Variants in PSMD14 observed in about 807,000 individuals in gnomAD.
PSMD14 encodes the protein ubiquitin C-terminal hydrolase PSMD14.
A neutral mutation model predicts 41.2 loss-of-function variants in PSMD14; 7 were observed. That is an observed-to-expected ratio of 0.17 (90% CI 0.10 to 0.32). PSMD14 has a LOEUF of 0.32. Among genes scored for constraint, PSMD14 ranks in the 10% least tolerant of loss-of-function variants. The pLI is 1.00. For missense variants in PSMD14, 139 were observed against 375.6 expected (o/e 0.37, Z 5.21); for synonymous variants, 114 against 122.3 (o/e 0.93, Z 0.45).
At chr2:161,360,749 G>T (rs551823048) in intron 3 of PSMD14, among the ~76,000 whole-genome samples, 117 of 152,156 alleles carry the variant, frequency 7.7e-4, no homozygotes, top group Non-Finnish European at 1.1e-3. Context: ...TGTTAGCCAG[G>T]ATGGTCTCCA....
intron 10 of PSMD14, among the ~76,000 whole-genome samples, chr2:161,403,912 T>C: frequency 6.8e-6 from 1 of 148,042 alleles, no homozygotes; most frequent in Non-Finnish European, 1.5e-5. Context: ...GAATTTAAAT[T>C]TTTTTTTTTT....
intron 3 of PSMD14, among the ~76,000 whole-genome samples, chr2:161,324,985 AG>A (rs1682671987): frequency 1.3e-5 from 2 of 152,184 alleles, no homozygotes; most frequent in Non-Finnish European, 2.9e-5. Flanking sequence ...AGCCTCTTTT[AG>A]CCAGGTCCAT....
intron 3 of PSMD14, among the ~76,000 whole-genome samples, chr2:161,361,020 T>G (rs1262010786): frequency 1.3e-5 from 2 of 152,234 alleles, no homozygotes; most frequent in African/African-American, 4.8e-5. Flanking sequence ...TAGATTATGT[T>G]GGCAATTTTA....
chr2:161,396,401 A>T (rs1683795545), intron 10 of PSMD14, among the ~76,000 whole-genome samples: 1 of 152,200 alleles, frequency 6.6e-6, no homozygotes, highest in Non-Finnish European at 1.5e-5. Context: ...CAGACAGATA[A>T]AGAAAATGTG....
At chr2:161,322,647 C>A (rs1682625710) in intron 3 of PSMD14, among the ~76,000 whole-genome samples, 1 of 151,538 alleles carries the variant, frequency 6.6e-6, no homozygotes, top group Non-Finnish European at 1.5e-5. Context: ...ACTGCAGCCT[C>A]CCAAAGTGCT....
At chr2:161,358,807 G>A (rs1683244775) in intron 3 of PSMD14, among the ~76,000 whole-genome samples, 1 of 152,120 alleles carries the variant, frequency 6.6e-6, no homozygotes, top group Non-Finnish European at 1.5e-5. Flanking sequence ...CAGGTGTGGT[G>A]GCATGTACCT....
At chr2:161,344,980 A>G (rs1237062191) in intron 3 of PSMD14, among the ~76,000 whole-genome samples, 1 of 152,132 alleles carries the variant, frequency 6.6e-6, no homozygotes, top group Non-Finnish European at 1.5e-5. Context: ...GTTCATGAGG[A>G]TCTACTCTTG....
At chr2:161,313,912 C>G (rs1021946494) in intron 1 of PSMD14, among the ~76,000 whole-genome samples, 11 of 152,072 alleles carry the variant, frequency 7.2e-5, no homozygotes, top group Admixed American at 4.6e-4. Flanking sequence ...ATTTACTATT[C>G]TAACTTTCTG....
At chr2:161,336,805 G>T (rs187676829) in intron 3 of PSMD14, among the ~76,000 whole-genome samples, 1 of 152,212 alleles carries the variant, frequency 6.6e-6, no homozygotes, top group East Asian at 1.9e-4. Context: ...CAAACTCCTG[G>T]CCTCAGGTGA....
At chr2:161,316,178 A>C (rs1047205833) in intron 1 of PSMD14, among the ~76,000 whole-genome samples, 7 of 152,232 alleles carry the variant, frequency 4.6e-5, no homozygotes, top group Non-Finnish European at 1.5e-5. Context: ...GGAAAGACTA[A>C]AAGTTTTGAA....
intron 9 of PSMD14, among the ~76,000 whole-genome samples, chr2:161,394,189 C>A (rs1292472051): frequency 4.6e-5 from 7 of 151,958 alleles, no homozygotes; most frequent in Admixed American, 4.6e-4. Context: ...CCAGGCTGGT[C>A]TCGAATTCCT....
chr2:161,401,539 G>A (rs73971190), intron 10 of PSMD14, among the ~76,000 whole-genome samples: 5,138 of 152,288 alleles, frequency 0.034, 285 homozygotes, highest in African/African-American at 0.11. Context: ...AGCAGAAGAA[G>A]GGGAAGATGG....
intron 3 of PSMD14, among the ~76,000 whole-genome samples, chr2:161,365,356 A>G (rs545068106): frequency 9.9e-5 from 15 of 152,168 alleles, no homozygotes; most frequent in South Asian, 4.1e-4. Context: ...CATTCTTTCA[A>G]TCAGTACTTA....
chr2:161,329,422 A>G (rs1367652492), intron 3 of PSMD14, among the ~76,000 whole-genome samples: 2 of 152,064 alleles, frequency 1.3e-5, no homozygotes, highest in East Asian at 3.8e-4. Flanking sequence ...AAATGTTTTC[A>G]TAGGTTTTCT....
chr2:161,378,423 T>C lies in PSMD14; in HGVS notation c.463-7041T>C, dbSNP rs188969177. On this transcript the variant is annotated intron_variant, in intron 7 of 11. Coordinates refer to ENST00000409682, the MANE Select transcript of PSMD14 (RefSeq NM_005805.6). ...AGATTTTGTTTATAGATAATGGATA[T>C]TTTTCTTTTCCTTTAAGGAAAAATA... 4.3e-4 allele frequency among the ~76,000 whole-genome samples: 65 copies of C among 152,128 alleles called. 1 individual carries two copies. The East Asian group carries it at 0.012, about 29-fold the overall frequency.
Position 161,392,500 on chromosome 2 carries a change from A to G in PSMD14, c.645+1322A>G, listed in dbSNP as rs562741832. On this transcript the variant is annotated intron_variant, in intron 9 of 11. Transcript: ENST00000409682. Reference sequence around the variant, plus strand: ...ATCACATCCATTTTTAATCTAATCTATATGCTGGGGGGGAGGATGTGCAAT... The same window carrying G: ...ATCACATCCATTTTTAATCTAATCTGTATGCTGGGGGGGAGGATGTGCAAT... Among the ~76,000 whole-genome samples, 93 of 152,082 alleles carry G rather than the reference A, an allele frequency of 6.1e-4. 1 individual carries two copies. The highest frequency in any genetic ancestry group is 1.2e-3 in the Non-Finnish European group (79 of 68,014).
chr2:161,312,250 T>G (rs1218529642), intron 1 of PSMD14, among the ~76,000 whole-genome samples: 1 of 152,018 alleles, frequency 6.6e-6, no homozygotes, highest in Non-Finnish European at 1.5e-5. Flanking sequence ...TTCAAGTGAT[T>G]CTCCTGCCTC....
intron 3 of PSMD14, among the ~76,000 whole-genome samples, chr2:161,349,949 A>G (rs933248915): frequency 3.3e-5 from 5 of 152,238 alleles, no homozygotes; most frequent in African/African-American, 1.2e-4. Flanking sequence ...TAAAAATATG[A>G]TATGTATAAC....
At chr2:161,341,420 G>T in intron 3 of PSMD14, 1 of 486,878 alleles carries the variant, frequency 2.1e-6, no homozygotes, top group Non-Finnish European at 2.7e-6. Context: ...TTCTTTATAT[G>T]TTCTGAATAG....
Sources: gnomAD v4.1 joint callset for allele counts (sites outside exome capture counted in the v4.1 genomes callset) on GRCh38, gnomAD v4.1.1 for gene constraint, MANE v1.5 for transcripts, NCBI Gene and HGNC (gene_info 2026-07-23, HGNC 2026-07-21) for gene names.